EEA1: variants seen among roughly 807,000 people sequenced by gnomAD.
The protein encoded by EEA1 is early endosome antigen 1, 162kD.
A neutral mutation model predicts 209.2 loss-of-function variants in EEA1; 111 were observed. The ratio of observed to expected loss-of-function variants is 0.53; its 90% CI spans 0.45 to 0.62. The LOEUF (loss-of-function observed/expected upper bound fraction) is 0.62, where lower values mean the gene tolerates loss of function less well. EEA1 is among the 20% of genes least tolerant of loss of function. The probability of loss-of-function intolerance (pLI) is 0.00; values close to 1 mark genes in which losing one functional copy is unlikely to be tolerated. For missense variants in EEA1, 1,343 were observed against 1,530.8 expected, an observed-to-expected ratio of 0.88 and a Z score of 2.05; for synonymous variants, 536 against 540.6, an observed-to-expected ratio of 0.99 and a Z score of 0.12.
At chr12:92,862,321 C>T (rs983137937) in intron 3 of EEA1, among the ~76,000 whole-genome samples, 1 of 152,118 alleles carries the variant, frequency 6.6e-6, no homozygotes, top group Non-Finnish European at 1.5e-5. Context: ...TCTGGCCAGG[C>T]GCAGTGACTC....
At chr12:92,863,216 A>G (rs950154809) in intron 3 of EEA1, among the ~76,000 whole-genome samples, 1 of 152,214 alleles carries the variant, frequency 6.6e-6, no homozygotes, top group Non-Finnish European at 1.5e-5. Context: ...GACTACAATC[A>G]AGTTCTTCCT....
intron 11 of EEA1, among the ~76,000 whole-genome samples, chr12:92,830,956 C>T (rs943148743): frequency 5.3e-5 from 8 of 152,180 alleles, no homozygotes; most frequent in Non-Finnish European, 1.2e-4. Context: ...ACAGGGCCAG[C>T]AGAAGCAGGG....
chr12:92,794,512 A>T (rs1250159099), intron 21 of EEA1, among the ~76,000 whole-genome samples: 1 of 152,208 alleles, frequency 6.6e-6, no homozygotes, highest in African/African-American at 2.4e-5. Context: ...TGGATAAAAA[A>T]AAATATGGCA....
intron 7 of EEA1, among the ~76,000 whole-genome samples, chr12:92,852,708 A>G (rs1267580796): frequency 6.6e-6 from 1 of 152,176 alleles, no homozygotes; most frequent in Admixed American, 6.5e-5. Context: ...ACAAAGAAAC[A>G]CCAGTCCTTT....
intron 20 of EEA1, 118 bp from the exon 21 acceptor site, chr12:92,799,204 T>C: frequency 1.2e-6 from 1 of 851,024 alleles, no homozygotes; most frequent in Non-Finnish European, 1.7e-6. Context: ...GACAATTTAC[T>C]GAGTAACTAC....
At chr12:92,862,407 A>C (rs1300248617) in intron 3 of EEA1, among the ~76,000 whole-genome samples, 3 of 152,080 alleles carry the variant, frequency 2.0e-5, no homozygotes, top group Admixed American at 6.6e-5. Flanking sequence ...CTTGAACAAC[A>C]TAGTGAGACA....
intron 21 of EEA1, among the ~76,000 whole-genome samples, chr12:92,797,660 T>C (rs1433598003): frequency 6.6e-6 from 1 of 152,222 alleles, no homozygotes; most frequent in Non-Finnish European, 1.5e-5. Flanking sequence ...AAGGCTAGTA[T>C]ATTTTGAAGA....
rs1368967031 is a variant in EEA1, at chr12:92,884,166, T to A, written c.117+7463A>T. ...TTTGAACAGTATGGAAAAATTGAAG[T>A]GACTCAAATCATGACTCACTGAGGC... On this transcript the variant is annotated intron_variant, in intron 2 of 28. Transcript: ENST00000322349. 5 of 1,315,416 alleles carry A rather than the reference T, an allele frequency of 3.8e-6. No individual in the cohort carries two copies. In the African/African-American group the frequency reaches 7.2e-5, roughly 19 times the overall value. 81.5% of individuals were successfully genotyped at this position (1,315,416 alleles called of 1,614,324 possible).
Position 92,816,369 on chromosome 12 carries a change from T to G in EEA1, c.1760A>C (p.Gln587Pro). 6.2e-7 allele frequency: 1 copy of G among 1,613,928 alleles called. No individual in the cohort carries two copies. Among genetic ancestry groups the G allele is most frequent in the Non-Finnish European group, 8.5e-7 (1 of 1,179,804 alleles). Residue 587 changes from glutamine to proline, a missense_variant, in exon 15 of 29, where the codon CAG (glutamine) becomes CCG (proline). By Grantham distance (76) the Gln-to-Pro change is moderately conservative. Around this residue, in one of 3 missense-constraint regions of EEA1, gnomAD observed 1,307 missense variants for 1,465.5 expected, o/e 0.89. Transcript: ENST00000322349. ...VTQLTEKLKN[Q>P]SESHKQAQEN... ...CTGGGCTTGTTTATGACTTTCTGAC[T>G]GATTCTTCAGCTTCTCTGTTAGTTG...
chr12:92,852,312 T>C lies in EEA1; in HGVS notation c.521-16A>G. On this transcript the variant is annotated splice_polypyrimidine_tract_variant and intron_variant, in intron 7 of 28. Coordinates refer to ENST00000322349, the MANE Select transcript of EEA1 (RefSeq NM_003566.4). ...GACTTTATATCTAATTAAAGATAGT[T>C]ATATAAATATTAGTTTAAGGGGAGG... 3 of 1,514,122 alleles carry C rather than the reference T, an allele frequency of 2.0e-6. No individual in the cohort carries two copies. Among genetic ancestry groups the C allele is most frequent in the African/African-American group, 2.9e-5 (2 of 70,044 alleles). The allele number at this position is 1,514,122 out of a possible 1,614,324, so 93.8% of individuals were successfully genotyped here. A position where few individuals can be genotyped will look rare whatever the true frequency, so the allele number is the denominator to read the frequency against.
intron 13 of EEA1, among the ~76,000 whole-genome samples, chr12:92,819,895 CAG>C (rs1291082907): frequency 6.6e-6 from 1 of 152,174 alleles, no homozygotes; most frequent in African/African-American, 2.4e-5. Context: ...TCTTCCCCCA[CAG>C]AGTCATATAG....
intron 2 of EEA1, among the ~76,000 whole-genome samples, chr12:92,870,564 G>T (rs1262289651): frequency 6.6e-6 from 1 of 152,118 alleles, no homozygotes; most frequent in Non-Finnish European, 1.5e-5. Flanking sequence ...AAGTCTAGGG[G>T]TGTTAAAACA....
Position 92,869,752 on chromosome 12 carries a change from C to CAAAAAAAA in EEA1, c.118-4773_118-4766dup, listed in dbSNP as rs71069185. 6.7e-4 allele frequency among the ~76,000 whole-genome samples: 18 copies of CAAAAAAAA among 26,794 alleles called. 2 individuals carry two copies. Among genetic ancestry groups the CAAAAAAAA allele is most frequent in the Admixed American group, 3.0e-3 (4 of 1,344 alleles). 17.6% of individuals were successfully genotyped at this position (26,794 alleles called of 152,430 possible). ...TGGGTGACACAGTGAGATTCTGCCT[C>CAAAAAAAA]AAAAAAAAAAAAAAAAAAAAAAAAA... On this transcript the variant is annotated intron_variant, in intron 2 of 28. Transcript: ENST00000322349.
In EEA1 at chr12:92,799,093, GA is replaced by G. The variant is rs148365385; in HGVS notation, c.2773-8del. 3.4e-4 allele frequency: 511 copies of G among 1,496,138 alleles called. No homozygotes were observed. The highest frequency in any genetic ancestry group is 1.2e-3 in the South Asian group (87 of 75,266). The allele number at this position is 1,496,138 out of a possible 1,614,324, so 92.7% of individuals were successfully genotyped here. A position where few individuals can be genotyped will look rare whatever the true frequency, so the allele number is the denominator to read the frequency against. On this transcript the variant is annotated splice_polypyrimidine_tract_variant and splice_region_variant and intron_variant, in intron 20 of 28. Coordinates refer to ENST00000322349, the MANE Select transcript of EEA1 (RefSeq NM_003566.4). Reference sequence around the variant, plus strand: ...ATTTCAACTGATGAGAAGCCTGAAAGAAAAAAAAAATCTATTTAGCCTTCAT... The same window carrying G: ...ATTTCAACTGATGAGAAGCCTGAAAGAAAAAAAAATCTATTTAGCCTTCAT...
intron 2 of EEA1, among the ~76,000 whole-genome samples, chr12:92,871,686 C>T (rs1164800889): frequency 6.6e-5 from 10 of 152,142 alleles, no homozygotes; most frequent in Admixed American, 6.5e-4. Context: ...AGGTGAAAAT[C>T]TATCCAAAGT....
At chr12:92,872,921 T>G (rs1170535505) in intron 2 of EEA1, among the ~76,000 whole-genome samples, 1 of 152,012 alleles carries the variant, frequency 6.6e-6, no homozygotes, top group Non-Finnish European at 1.5e-5. Context: ...ACCACTGCAC[T>G]CCAGCCTGGG....
At chr12:92,878,631 T>G (rs61185605) in intron 2 of EEA1, among the ~76,000 whole-genome samples, 3,728 of 151,874 alleles carry the variant, frequency 0.025, 170 homozygotes, top group African/African-American at 0.084. Context: ...AGTAAGTAGA[T>G]GGAGGAAATT....
chr12:92,851,089 T>A (rs773189999), intron 9 of EEA1, 22 bp downstream of exon 9: 2 of 1,610,850 alleles, frequency 1.2e-6, no homozygotes, highest in South Asian at 2.2e-5. Context: ...GAATCACATT[T>A]AAGTACAATG....
chr12:92,775,918 G>T lies in EEA1; in HGVS notation c.*93C>A. Reference sequence around the variant, plus strand: ...TATTTGGTCTAGTATTGCAACCAGTGTCCAAACCAAATAGTAGTCCAAGAC... The same window carrying T: ...TATTTGGTCTAGTATTGCAACCAGTTTCCAAACCAAATAGTAGTCCAAGAC... On this transcript the variant is annotated 3_prime_UTR_variant, in exon 29 of 29. Coordinates refer to ENST00000322349, the MANE Select transcript of EEA1 (RefSeq NM_003566.4). 7.3e-7 allele frequency: 1 copy of T among 1,378,612 alleles called. No homozygotes were observed. 85.4% of individuals were successfully genotyped at this position (1,378,612 alleles called of 1,614,324 possible).
Sources: allele counts gnomAD v4.1 joint callset (sites outside exome capture counted in the v4.1 genomes callset), GRCh38; gene constraint gnomAD v4.1.1; regional missense constraint gnomAD v4.1.1; transcripts MANE v1.5; gene names NCBI Gene and HGNC (gene_info 2026-07-23, HGNC 2026-07-21).